Variants in SLC8A1 observed in about 807,000 individuals in gnomAD.
SLC8A1 encodes the protein sodium/calcium exchanger 1.
A neutral mutation model predicts 68.3 loss-of-function variants in SLC8A1; 18 were observed. The ratio of observed to expected loss-of-function variants is 0.26; its 90% CI spans 0.18 to 0.39. The LOEUF (loss-of-function observed/expected upper bound fraction) is 0.39, where lower values mean the gene tolerates loss of function less well. Among genes scored for constraint, SLC8A1 ranks in the 10% least tolerant of loss-of-function variants. The pLI, the probability that SLC8A1 is intolerant of heterozygous loss-of-function variation, is 1.00. For synonymous variants in SLC8A1, 475 were observed against 415.5 expected (o/e 1.14, Z -1.74); for missense variants, 985 against 1,156.7 (o/e 0.85, Z 2.15).
chr2:40,357,045 C>T (rs1351693731), intron 2 of SLC8A1, among the ~76,000 whole-genome samples: 2 of 152,134 alleles, frequency 1.3e-5, no homozygotes, highest in African/African-American at 2.4e-5. Context: ...ATCTGCAGAA[C>T]ACAGCAAGAA....
At chr2:40,371,711 G>A (rs1678146940) in intron 2 of SLC8A1, among the ~76,000 whole-genome samples, 1 of 152,106 alleles carries the variant, frequency 6.6e-6, no homozygotes, top group Admixed American at 6.6e-5. Flanking sequence ...GAGAACAAAG[G>A]TTTAAACTGT....
In SLC8A1 at chr2:40,200,221, T is replaced by TAA. The variant is rs1558722315; in HGVS notation, c.1809-22367_1809-22366insTT. Among the ~76,000 whole-genome samples the TAA allele has an allele frequency of 1.0e-3, 2 of 1,910 alleles. 1 individual carries two copies. The highest frequency in any genetic ancestry group is 2.7e-3 in the Non-Finnish European group (2 of 730). The allele number at this position is 1,910 out of a possible 152,430, so 1.3% of individuals were successfully genotyped here. Reference sequence around the variant, plus strand: ...ATATATATATAAATATATATATATTTTTTTATATATATATATAAATATATA... The same window carrying TAA: ...ATATATATATAAATATATATATATTTAATTTTATATATATATATAAATATATA... On this transcript the variant is annotated intron_variant, in intron 2 of 7. Transcript: ENST00000406785.
At chr2:40,377,296 A>G (rs865816683) in intron 2 of SLC8A1, among the ~76,000 whole-genome samples, 19 of 152,182 alleles carry the variant, frequency 1.2e-4, no homozygotes, top group Middle Eastern at 6.8e-3. Flanking sequence ...CAAAAACCAC[A>G]TGAGTTTTGA....
intron 2 of SLC8A1, among the ~76,000 whole-genome samples, chr2:40,374,398 A>G (rs916842597): frequency 1.3e-5 from 2 of 151,856 alleles, no homozygotes; most frequent in African/African-American, 2.4e-5. Context: ...AAAATTTAAA[A>G]AAGAAAAGAT....
chr2:40,118,868 C>T (rs974208520), intron 7 of SLC8A1, among the ~76,000 whole-genome samples: 3 of 151,982 alleles, frequency 2.0e-5, no homozygotes, highest in Non-Finnish European at 4.4e-5. Flanking sequence ...CCATAGAACA[C>T]ACCTGCTTAC....
At chr2:40,429,857 G>A (rs773521066) in exon 2 of SLC8A1, 4 of 1,613,364 alleles carry the variant, frequency 2.5e-6, no homozygotes, top group East Asian at 4.5e-5. Context: ...GAAGATCCCA[G>A]GGCCATCAAG....
chr2:40,218,095 A>T (rs1394505471), intron 2 of SLC8A1, among the ~76,000 whole-genome samples: 5 of 88,138 alleles, frequency 5.7e-5, no homozygotes, highest in Admixed American at 2.5e-4. Context: ...TCAACTTCTT[A>T]CAGTTAGTTT....
intron 2 of SLC8A1, among the ~76,000 whole-genome samples, chr2:40,231,628 C>A (rs2059659041): frequency 6.6e-6 from 1 of 152,058 alleles, no homozygotes; most frequent in African/African-American, 2.4e-5. Context: ...TTCTGCAGAT[C>A]CCCTCACACT....
chr2:40,237,966 A>T (rs1029008774), intron 2 of SLC8A1, among the ~76,000 whole-genome samples: 6 of 151,782 alleles, frequency 4.0e-5, no homozygotes, highest in African/African-American at 1.4e-4. Flanking sequence ...GCCCGTTCTC[A>T]GATCTCCAGC....
At chr2:40,209,055 A>C (rs538516911) in intron 2 of SLC8A1, 1 of 152,172 alleles carries the variant, frequency 6.6e-6, no homozygotes, top group Admixed American at 6.6e-5. Flanking sequence ...GAAGAAAAAA[A>C]AAATCCTTGT....
In SLC8A1 at chr2:40,134,248, C is replaced by T. The variant is rs150725514; in HGVS notation, c.2437+5153G>A. Among the ~76,000 whole-genome samples the T allele has an allele frequency of 1.1e-4, 16 of 152,114 alleles. No homozygotes were observed. The East Asian group carries it at 2.5e-3, about 24-fold the overall frequency. ...CTGGGATTACAGGTGCCCACCACCA[C>T]GCCCAGCTAATTTTTGTATTTTTAG... On this transcript the variant is annotated intron_variant, in intron 7 of 7. Transcript: ENST00000406785.
rs555354983 is a variant in SLC8A1 at position 40,158,141 on chromosome 2, G to C, written c.2161+2624C>G. On this transcript the variant is annotated intron_variant, in intron 6 of 7. Coordinates refer to ENST00000406785, the Ensembl canonical transcript of SLC8A1. ...AACCTCTCAGTAGAGCCCTTTAAAA[G>C]CAATTTAATATTTGTAATAAGGCAA... Among the ~76,000 whole-genome samples the C allele has an allele frequency of 1.7e-4, 26 of 152,262 alleles. 1 individual carries two copies. Among genetic ancestry groups the C allele is most frequent in the African/African-American group, 5.3e-4 (22 of 41,552 alleles).
rs1166281152 is a variant in SLC8A1, at chr2:40,357,505, A to AAAC, written c.1808+70967_1808+70968insGTT. On this transcript the variant is annotated intron_variant, in intron 2 of 7. Transcript: ENST00000406785. ...GAGCCAGACCCTGTCTTTAAAAAAA[A>AAAC]AAAAAAAAAAAACACAAGATGTAAA... 3.0e-4 allele frequency among the ~76,000 whole-genome samples: 46 copies of AAAC among 151,474 alleles called. No individual in the cohort carries two copies. The East Asian group carries it at 8.9e-3, about 29-fold the overall frequency.
chr2:40,165,044 G>T, intron 4 of SLC8A1, 60 bp from the exon 8 acceptor site: 1 of 1,602,766 alleles, frequency 6.2e-7, no homozygotes. Context: ...GAAATCCCTG[G>T]ATCCTGCCAT....
chr2:40,331,632 C>T (rs940369167), intron 2 of SLC8A1, among the ~76,000 whole-genome samples: 53 of 151,592 alleles, frequency 3.5e-4, no homozygotes, highest in African/African-American at 1.2e-3. Flanking sequence ...CTCGCTCTGT[C>T]GCCCAGGCTA....
At chr2:40,379,761 C>A (rs987811760) in intron 2 of SLC8A1, among the ~76,000 whole-genome samples, 1 of 151,916 alleles carries the variant, frequency 6.6e-6, no homozygotes, top group East Asian at 1.9e-4. Flanking sequence ...CTCATTTTCC[C>A]AGAGCCACAT....
chr2:40,272,093 G>A (rs181104108), intron 2 of SLC8A1, among the ~76,000 whole-genome samples: 87 of 152,002 alleles, frequency 5.7e-4, no homozygotes, highest in African/African-American at 1.9e-3. Flanking sequence ...GGCCCGGAAC[G>A]CCTGGTCGCA....
chr2:40,431,796 C>T (rs12052800), intron 1 of SLC8A1, among the ~76,000 whole-genome samples: 19,285 of 152,074 alleles, frequency 0.13, 2,328 homozygotes, highest in East Asian at 0.65. Flanking sequence ...CTCTCTGGCT[C>T]ATGTTTGCTG....
At chr2:40,332,312 G>C (rs2076496046) in intron 2 of SLC8A1, among the ~76,000 whole-genome samples, 1 of 151,874 alleles carries the variant, frequency 6.6e-6, no homozygotes, top group African/African-American at 2.4e-5. Flanking sequence ...TTTTCATTAA[G>C]TGGCTTTGAA....
Sources: gnomAD v4.1 joint callset for allele counts (sites outside exome capture counted in the v4.1 genomes callset) on GRCh38, gnomAD v4.1.1 for gene constraint, MANE v1.5 for transcripts, NCBI Gene and HGNC (gene_info 2026-07-23, HGNC 2026-07-21) for gene names.